The following SFI1 variants were observed in gnomAD, a reference collection of about 807,000 sequenced individuals.
The protein encoded by SFI1 is SFI1 centrin binding protein, also known as protein SFI1 homolog.
In SFI1, 195 loss-of-function variants were observed where a neutral mutation model predicts 207.5. That is an observed-to-expected ratio of 0.94 (90% CI 0.84 to 1.06). The LOEUF (loss-of-function observed/expected upper bound fraction) is 1.06, where lower values mean the gene tolerates loss of function less well. Among genes scored for constraint, SFI1 ranks in the 50% least tolerant of loss-of-function variants. The pLI is 0.00. For synonymous variants in SFI1, 630 were observed against 598.9 expected (o/e 1.05, Z -0.76); for missense variants, 1,634 against 1,588.0 (o/e 1.03, Z -0.49).
At chr22:31,505,471 C>G (rs967496832) in intron 1 of SFI1, among the ~76,000 whole-genome samples, 2 of 150,912 alleles carry the variant, frequency 1.3e-5, no homozygotes, top group African/African-American at 4.9e-5. Flanking sequence ...AAAATGAAAA[C>G]TAGGCAAGGT....
chr22:31,550,415 A>G (rs542209536), intron 6 of SFI1, 67 bp downstream of exon 6: 4 of 1,216,710 alleles, frequency 3.3e-6, no homozygotes, highest in Non-Finnish European at 4.8e-6. Flanking sequence ...CATAGGAAGG[A>G]CAAACACATT....
At chr22:31,599,572 C>T (rs528695328) in intron 15 of SFI1, among the ~76,000 whole-genome samples, 4 of 152,316 alleles carry the variant, frequency 2.6e-5, no homozygotes, top group East Asian at 1.9e-4. Context: ...CCTCGTGATC[C>T]ACCTGCCTTG....
intron 3 of SFI1, among the ~76,000 whole-genome samples, chr22:31,529,265 A>G (rs1017058419): frequency 2.6e-5 from 4 of 152,220 alleles, no homozygotes; most frequent in African/African-American, 9.6e-5. Context: ...AAAATTTATC[A>G]GGTCAGGTAC....
In SFI1 at chr22:31,576,572, C is replaced by T. The variant is rs111690600; in HGVS notation, c.1084+1180C>T. ...CTGACCCAAAGTGATCCACTTGCCTCGGCCTCTTAAAGTACTGGGATTACC... is the reference window on the plus strand; with the variant it reads ...CTGACCCAAAGTGATCCACTTGCCTTGGCCTCTTAAAGTACTGGGATTACC... On this transcript the variant is annotated intron_variant, in intron 10 of 32. Transcript: ENST00000400288. Among the ~76,000 whole-genome samples the T allele has an allele frequency of 9.3e-3, 1,414 of 152,200 alleles. 15 individuals are homozygous for T. Among genetic ancestry groups the T allele is most frequent in the Middle Eastern group, 0.048 (14 of 294 alleles).
rs368588328 is a variant in SFI1 at position 31,579,672 on chromosome 22, G to T, written c.1156-600G>T. On this transcript the variant is annotated intron_variant, in intron 11 of 32. Coordinates refer to ENST00000400288, the MANE Select transcript of SFI1 (RefSeq NM_001007467.3). ...TCCTTCTGTTGGCCAGGCTGGTCTT[G>T]AACTCCTGTGCTCAAGCAGTCCTCC... Among the ~76,000 whole-genome samples, 11 of 152,060 alleles carry T rather than the reference G, an allele frequency of 7.2e-5. No individual in the cohort carries two copies. In the South Asian group the frequency reaches 2.1e-3, roughly 29 times the overall value.
At chr22:31,589,792 T>A (rs2065579246) in intron 15 of SFI1, among the ~76,000 whole-genome samples, 1 of 152,050 alleles carries the variant, frequency 6.6e-6, no homozygotes, top group Non-Finnish European at 1.5e-5. Flanking sequence ...ATTTATTTAT[T>A]TTTTTTGTGT....
chr22:31,521,082 A>G (rs566219890), intron 2 of SFI1: 1 of 152,456 alleles, frequency 6.6e-6, no homozygotes, highest in Non-Finnish European at 1.5e-5. Flanking sequence ...TACTAAAAAA[A>G]TTTTTAAAAA....
At chr22:31,553,243 C>T (rs911063877) in intron 6 of SFI1, among the ~76,000 whole-genome samples, 5 of 152,080 alleles carry the variant, frequency 3.3e-5, no homozygotes, top group Non-Finnish European at 7.4e-5. Flanking sequence ...GTATCTTTTC[C>T]TGTGCTTATT....
chr22:31,612,741 A>G (rs531298108), intron 24 of SFI1: 9 of 171,956 alleles, frequency 5.2e-5, no homozygotes, highest in Non-Finnish European at 1.0e-4. Flanking sequence ...TCAGCATAAT[A>G]TCTTAAAAAT....
At chr22:31,561,259 T>C in intron 7 of SFI1, 31 bp from the exon 8 acceptor site, 1 of 1,604,422 alleles carries the variant, frequency 6.2e-7, no homozygotes, top group Non-Finnish European at 8.5e-7. Flanking sequence ...TTTTTACTGA[T>C]GGATTCCATC....
chr22:31,542,457 A>G (rs910686748), intron 4 of SFI1, among the ~76,000 whole-genome samples: 3 of 150,692 alleles, frequency 2.0e-5, no homozygotes, highest in East Asian at 4.1e-4. Flanking sequence ...GTGAAACCCC[A>G]TCTCTACTAA....
intron 29 of SFI1, 52 bp downstream of exon 29, chr22:31,615,331 CTT>C (rs1193741795): frequency 7.2e-7 from 1 of 1,386,616 alleles, no homozygotes; most frequent in East Asian, 2.5e-5. Context: ...TCTGGTCTGA[CTT>C]CTGGTGCTTT....
rs747647817 is a variant in SFI1, at chr22:31,528,773, G to C, written c.176G>C (p.Arg59Pro). The change falls in exon 3 of 33, where the codon CGG (arginine) becomes CCG (proline). Residue 59 changes from arginine (R) to proline (P), a missense_variant. By Grantham distance (103) the Arg-to-Pro change is moderately radical. Transcript: ENST00000400288. ...AAGTCTTCTGCATCCTTTGGGATCC[G>C]GAGGGAGTTACCTAGTACCAGTCAT... is the stretch of plus-strand genomic sequence containing the variant. Reference protein sequence around the residue: ...NKKSSASFGIRRELPSTSHLV... With the variant: ...NKKSSASFGIPRELPSTSHLV... 14 of 1,613,978 alleles carry C rather than the reference G, an allele frequency of 8.7e-6. No homozygotes were observed. In the Admixed American group the frequency reaches 1.5e-4, roughly 17 times the overall value.
intron 25 of SFI1, 64 bp from the exon 26 acceptor site, chr22:31,613,290 C>A: frequency 1.2e-6 from 2 of 1,606,582 alleles, no homozygotes; most frequent in Admixed American, 1.7e-5. Flanking sequence ...GGAGGGAGGG[C>A]ACCTGGTCTG....
Position 31,534,502 on chromosome 22 carries a change from C to G in SFI1, c.338+3373C>G, listed in dbSNP as rs182258562. Among the ~76,000 whole-genome samples the G allele has an allele frequency of 2.0e-5, 3 of 152,110 alleles. No homozygotes were observed. In the East Asian group the frequency reaches 5.8e-4, roughly 29 times the overall value. ...TCCTATCAGAACGTCCCAGGGTATT[C>G]TCTTTCGGGTAGGTCTGCTAGTGAG... On this transcript the variant is annotated intron_variant, in intron 4 of 32. Transcript: ENST00000400288.
At chr22:31,602,398 G>T in intron 16 of SFI1, 105 bp downstream of exon 16, 1 of 1,248,210 alleles carries the variant, frequency 8.0e-7, no homozygotes, top group Non-Finnish European at 1.2e-6. Flanking sequence ...CTCACTGGAG[G>T]GCCCCTGCCT....
rs952588417 is a variant in SFI1, at chr22:31,583,941, C to T, written c.1315C>T (p.Pro439Ser). ...GCAGAAAAAGGAAAGAGAGCTGCTC[C>T]CCTTACTGCATGCTGCCTGGGACCA... ...IEQKKERELL[P>S]LLHAAWDHYR... The change falls in exon 13 of 33, where the codon CCC becomes TCC. Residue 439 changes from proline (P) to serine (S), a missense_variant. By Grantham distance (74) the Pro-to-Ser change is moderately conservative. Transcript: ENST00000400288. The T allele has an allele frequency of 3.1e-6, 5 of 1,614,112 alleles. No homozygotes were observed. The highest frequency in any genetic ancestry group is 1.7e-5 in the Admixed American group (1 of 60,016).
At position 31,580,268 on chromosome 22, in the gene SFI1, A is replaced by G; in HGVS notation, c.1156-4A>G. 1 of 1,611,762 alleles carries G rather than the reference A, an allele frequency of 6.2e-7. No individual in the cohort carries two copies. Among genetic ancestry groups the G allele is most frequent in the Non-Finnish European group, 8.5e-7 (1 of 1,177,958 alleles). ...GTAATCAGTTGTGTCCTTTCTTTGC[A>G]CAGTATTTTTGCTTTAGAGCCCTAA... On this transcript the variant is annotated splice_region_variant and splice_polypyrimidine_tract_variant and intron_variant, in intron 11 of 32. Transcript: ENST00000400288.
At chr22:31,594,454 A>G (rs2066743382) in intron 15 of SFI1, among the ~76,000 whole-genome samples, 1 of 150,834 alleles carries the variant, frequency 6.6e-6, no homozygotes, top group East Asian at 2.0e-4. Flanking sequence ...AGGCTGAGGC[A>G]GGAGAATTGC....
Sources: allele counts gnomAD v4.1 joint callset (sites outside exome capture counted in the v4.1 genomes callset), GRCh38; gene constraint gnomAD v4.1.1; transcripts MANE v1.5; gene names NCBI Gene and HGNC (gene_info 2026-07-23, HGNC 2026-07-21).